The following RFTN2 variants were observed in gnomAD, a reference collection of about 807,000 sequenced individuals.
RFTN2 encodes the protein raftlin-2.
RFTN2 carries 34 observed loss-of-function variants against 52.7 expected under a neutral mutation model. The ratio of observed to expected loss-of-function variants is 0.64; its 90% CI spans 0.49 to 0.86. The LOEUF is 0.86. Among genes scored for constraint, RFTN2 ranks in the 40% least tolerant of loss-of-function variants. The pLI is 0.00. For synonymous variants in RFTN2, 203 were observed against 217.7 expected (o/e 0.93, Z 0.59); for missense variants, 536 against 600.1 (o/e 0.89, Z 1.12).
intron 4 of RFTN2, among the ~76,000 whole-genome samples, chr2:197,631,728 C>T (rs1341010316): frequency 1.3e-5 from 2 of 152,064 alleles, no homozygotes; most frequent in South Asian, 4.1e-4. Context: ...CTGTTATTAC[C>T]AACTTTGTAT....
chr2:197,638,859 A>T (rs1428504330), intron 3 of RFTN2, among the ~76,000 whole-genome samples: 2 of 148,506 alleles, frequency 1.3e-5, no homozygotes, highest in African/African-American at 5.0e-5. Flanking sequence ...TTTTGGCATG[A>T]TTTTGCAGCG....
intron 2 of RFTN2, among the ~76,000 whole-genome samples, chr2:197,646,220 G>C (rs1368556420): frequency 6.6e-6 from 1 of 152,046 alleles, no homozygotes; most frequent in Admixed American, 6.6e-5. Flanking sequence ...AGGTGCCTCT[G>C]GAATCTATTT....
chr2:197,665,517 C>CTTTTTTTTTTTTTTTTTTTT lies in RFTN2; in HGVS notation c.139+9802_139+9803insAAAAAAAAAAAAAAAAAAAA. Reference sequence around the variant, plus strand: ...ATTCCTTTATCATTATGTACCTTGCCTTTTTTTTTTTTTTTTACTGTTTTC... The same window carrying CTTTTTTTTTTTTTTTTTTTT: ...ATTCCTTTATCATTATGTACCTTGCCTTTTTTTTTTTTTTTTTTTTTTTTTTTTTTTTTTTTACTGTTTTC... On this transcript the variant is annotated intron_variant, in intron 1 of 8. Transcript: ENST00000295049. Among the ~76,000 whole-genome samples the CTTTTTTTTTTTTTTTTTTTT allele has an allele frequency of 1.4e-3, 60 of 41,384 alleles. 2 individuals carry two copies. Among genetic ancestry groups the CTTTTTTTTTTTTTTTTTTTT allele is most frequent in the East Asian group, 3.6e-3 (9 of 2,516 alleles). The allele number at this position is 41,384 out of a possible 152,430, so 27.1% of individuals were successfully genotyped here.
chr2:197,675,403 AT>A lies in RFTN2; in HGVS notation c.55del (p.Ile19TyrfsTer5). 2 of 1,605,078 alleles carry A rather than the reference AT, an allele frequency of 1.2e-6. No homozygotes were observed. The highest frequency in any genetic ancestry group is 1.7e-5 in the Admixed American group (1 of 58,630). ...EDPDDSSPGKIFSTLKRPQVE... is the reference protein window; with the variant it reads ...EDPDDSSPGKXFSTLKRPQVE... The stretch of plus-strand genomic sequence containing the variant: ...TTGCGGTCTCTTCAGGGTAGAAAAT[AT>A]TTTTCCAGGGCTGCTATCATCAGGG... On this transcript the variant is annotated frameshift_variant, in exon 1 of 9. Coordinates refer to ENST00000295049, the MANE Select transcript of RFTN2 (RefSeq NM_144629.3). LOFTEE classifies it high-confidence loss of function.
intron 8 of RFTN2, among the ~76,000 whole-genome samples, chr2:197,572,768 CATCTT>C (rs1559334059): frequency 1.3e-5 from 2 of 152,114 alleles, no homozygotes; most frequent in African/African-American, 2.4e-5. Context: ...ACCCAAATCT[CATCTT>C]GAATTGTAAC....
chr2:197,652,021 G>A (rs1052793116), intron 1 of RFTN2, among the ~76,000 whole-genome samples: 5 of 152,196 alleles, frequency 3.3e-5, no homozygotes, highest in Non-Finnish European at 5.9e-5. Flanking sequence ...TTTCATTTTT[G>A]TGAAGGTGTG....
At chr2:197,650,313 C>T (rs1196216119) in intron 1 of RFTN2, among the ~76,000 whole-genome samples, 1 of 152,110 alleles carries the variant, frequency 6.6e-6, no homozygotes, top group Non-Finnish European at 1.5e-5. Context: ...CATCATTCCA[C>T]TTTCTTTTGC....
At chr2:197,616,747 G>A (rs1401664002) in intron 6 of RFTN2, among the ~76,000 whole-genome samples, 2 of 152,174 alleles carry the variant, frequency 1.3e-5, no homozygotes, top group Non-Finnish European at 2.9e-5. Flanking sequence ...GGTGTGGGGA[G>A]TCTTTTCACT....
rs748966004 is a variant in RFTN2, at chr2:197,631,174, A to G, written c.765T>C (p.Asp255=). The G allele has an allele frequency of 3.1e-6, 5 of 1,613,612 alleles. No homozygotes were observed. The highest frequency in any genetic ancestry group is 4.2e-6 in the Non-Finnish European group (5 of 1,179,754). ...CTTCCTGATAGGCCCAGGAGGTTGA[A>G]TCATCATCAAAAGCATTGAAGACTG... The part of the protein sequence containing the change: ...LYTVFNAFDD[D]STSWAYQEGI... Residue 255 remains aspartate (D), a synonymous_variant, in exon 5 of 9, where the codon GAT becomes GAC. Transcript: ENST00000295049.
At chr2:197,629,675 TACACACACAC>T (rs60384360) in intron 5 of RFTN2, among the ~76,000 whole-genome samples, 3 of 146,606 alleles carry the variant, frequency 2.0e-5, no homozygotes, top group Non-Finnish European at 3.0e-5. Flanking sequence ...TTAATTTTTA[TACACACACAC>T]ACACACACAC....
chr2:197,646,908 A>AAAC (rs1553604395), intron 1 of RFTN2, among the ~76,000 whole-genome samples: 2 of 104,552 alleles, frequency 1.9e-5, no homozygotes, highest in African/African-American at 5.9e-5. Context: ...AAAAAAAAAA[A>AAAC]AAAAAAAAAA....
At chr2:197,660,982 T>A (rs1470589627) in intron 1 of RFTN2, among the ~76,000 whole-genome samples, 1 of 152,130 alleles carries the variant, frequency 6.6e-6, no homozygotes, top group East Asian at 1.9e-4. Flanking sequence ...ATATTACATA[T>A]TTTTTTATCT....
At chr2:197,633,009 T>A (rs1019982419) in intron 4 of RFTN2, among the ~76,000 whole-genome samples, 3 of 152,196 alleles carry the variant, frequency 2.0e-5, no homozygotes, top group African/African-American at 7.2e-5. Context: ...GAAATTGAGG[T>A]ATCTGATTCC....
intron 3 of RFTN2, among the ~76,000 whole-genome samples, chr2:197,636,348 A>G (rs1342112172): frequency 3.0e-5 from 4 of 132,288 alleles, no homozygotes; most frequent in Non-Finnish European, 6.5e-5. Flanking sequence ...CATTTTCACG[A>G]TATTGATTCT....
chr2:197,657,325 C>T (rs989796761), intron 1 of RFTN2, among the ~76,000 whole-genome samples: 4 of 152,250 alleles, frequency 2.6e-5, no homozygotes, highest in African/African-American at 9.6e-5. Context: ...TTTGTAACTT[C>T]TGCCCTGGGT....
chr2:197,595,857 A>G, intron 8 of RFTN2, 134 bp downstream of exon 8: 1 of 561,486 alleles, frequency 1.8e-6, no homozygotes, highest in East Asian at 3.1e-5. Flanking sequence ...TTGCTAGCAC[A>G]TTTCCCTTAT....
chr2:197,607,289 A>T (rs1054772640), intron 7 of RFTN2, among the ~76,000 whole-genome samples: 7 of 152,070 alleles, frequency 4.6e-5, no homozygotes, highest in African/African-American at 7.2e-5. Flanking sequence ...ACGAGAACAC[A>T]TGGACACAGG....
chr2:197,651,361 G>A (rs144656797), intron 1 of RFTN2, among the ~76,000 whole-genome samples: 3,036 of 152,226 alleles, frequency 0.02, 77 homozygotes, highest in African/African-American at 0.06. Context: ...GCTCACGCCC[G>A]TAATCCCAGC....
intron 6 of RFTN2, among the ~76,000 whole-genome samples, chr2:197,616,330 C>T (rs1191206687): frequency 3.1e-5 from 1 of 32,258 alleles, no homozygotes; most frequent in African/African-American, 1.4e-4. Context: ...CTCATTCCTA[C>T]ATCCAGGCTA....
Sources: gnomAD v4.1 joint callset for allele counts (sites outside exome capture counted in the v4.1 genomes callset) on GRCh38, gnomAD v4.1.1 for gene constraint, MANE v1.5 for transcripts, NCBI Gene and HGNC (gene_info 2026-07-23, HGNC 2026-07-21) for gene names.